Variants in PLEKHG6 observed in about 807,000 individuals in gnomAD.
PLEKHG6 encodes pleckstrin homology and RhoGEF domain containing G6.
PLEKHG6 carries 91 observed loss-of-function variants against 97.5 expected under a neutral mutation model. The ratio of observed to expected loss-of-function variants is 0.93; its 90% CI spans 0.79 to 1.11. The LOEUF (loss-of-function observed/expected upper bound fraction) is 1.11. PLEKHG6 is among the 50% of genes most tolerant of loss of function. The probability of loss-of-function intolerance (pLI) is 0.00; values close to 1 mark genes in which losing one functional copy is unlikely to be tolerated. For synonymous variants in PLEKHG6, 466 were observed against 425.5 expected, an observed-to-expected ratio of 1.10 and a Z score of -1.17; for missense variants, 1,044 against 1,031.0, an observed-to-expected ratio of 1.01 and a Z score of -0.17.
Position 6,315,069 on chromosome 12 carries a change from G to A in PLEKHG6, c.359G>A (p.Arg120Gln), listed in dbSNP as rs201430373. 109 of 1,613,866 alleles carry A rather than the reference G, an allele frequency of 6.8e-5. No individual in the cohort carries two copies. In the African/African-American group the frequency reaches 6.8e-4, roughly 10 times the overall value. The change falls in exon 4 of 16, where the codon CGG (arginine) becomes CAG (glutamine). Residue 120 changes from arginine to glutamine, a missense_variant. Physicochemically the swap from Arg to Gln is conservative, Grantham distance 43. Transcript: ENST00000684764. This position sits in a 1 kb window ranked among gnomAD's most constrained non-coding sequence, Gnocchi z 4.5. ...ACTTTCAGCATGTTTGGGATGCCCC[G>A]GCTGCCCCCTGAGGACCGGCGGCAC... ...LHTFSMFGMP[R>Q]LPPEDRRHWE... is the part of the protein sequence containing the mutation.
chr12:6,315,501 C>A lies in PLEKHG6; in HGVS notation c.460-53C>A. On this transcript the variant is annotated intron_variant, in intron 4 of 15. Coordinates refer to ENST00000684764, the MANE Select transcript of PLEKHG6 (RefSeq NM_001384598.1). This position sits in a 1 kb window ranked among gnomAD's most constrained non-coding sequence, Gnocchi z 4.5. ...ATCCGGTCGCACTTAACAGCTGGTA[C>A]TTGCCATTCTAATTATCATTCCCCA... is the stretch of plus-strand genomic sequence containing the variant. 8.5e-7 allele frequency: 1 copy of A among 1,177,878 alleles called. No individual in the cohort carries two copies. The highest frequency in any genetic ancestry group is 1.2e-6 in the Non-Finnish European group (1 of 821,972). The allele number at this position is 1,177,878 out of a possible 1,614,324, so 73.0% of individuals were successfully genotyped here.
chr12:6,317,714 GC>G lies in PLEKHG6; in HGVS notation c.1017+19del. On this transcript the variant is annotated intron_variant, in intron 9 of 15. Transcript: ENST00000684764. ...ATGCCATGGTAGGTGCCCCAGTGGG[GC>G]TGGGACTCTGGTGAATCGGGGACTG... 6.2e-7 allele frequency: 1 copy of G among 1,611,962 alleles called. No individual in the cohort carries two copies. The highest frequency in any genetic ancestry group is 8.5e-7 in the Non-Finnish European group (1 of 1,179,466).
intron 13 of PLEKHG6, among the ~76,000 whole-genome samples, chr12:6,323,395 T>G (rs1409475751): frequency 6.6e-6 from 1 of 152,210 alleles, no homozygotes; most frequent in Non-Finnish European, 1.5e-5. Context: ...CAGTAGAAAC[T>G]CTGTTGGTCC....
At position 6,328,211 on chromosome 12, in the gene PLEKHG6, C is replaced by A; in HGVS notation, c.*66C>A. 6.6e-7 allele frequency: 1 copy of A among 1,521,020 alleles called. No individual in the cohort carries two copies. Among genetic ancestry groups the A allele is most frequent in the Non-Finnish European group, 9.1e-7 (1 of 1,096,646 alleles). The allele number at this position is 1,521,020 out of a possible 1,614,324, so 94.2% of individuals were successfully genotyped here. On this transcript the variant is annotated 3_prime_UTR_variant, in exon 16 of 16. Transcript: ENST00000684764. ...GATCTCTCCCCAGTAGTGCTGGTCA[C>A]CCTCCGGCATCTGTGACTCTACCTC...
Position 6,326,549 on chromosome 12 carries a change from G to A in PLEKHG6, c.1646G>A (p.Gly549Asp), listed in dbSNP as rs200776508. ...AGGCCCTCCACGCCTTCCCTGGAGG[G>A]CTCTCAGAGCAGCGCAGAGGGGAGG... Reference protein sequence around the residue: ...STRPSTPSLEGSQSSAEGRTP... With the variant: ...STRPSTPSLEDSQSSAEGRTP... Residue 549 changes from glycine to aspartate, a missense_variant, in exon 14 of 16, where the codon GGC becomes GAC. Physicochemically the swap from Gly to Asp is moderately conservative, Grantham distance 94. Transcript: ENST00000684764. The A allele has an allele frequency of 1.5e-5, 24 of 1,568,156 alleles. No individual in the cohort carries two copies. In the African/African-American group the frequency reaches 3.2e-4, roughly 21 times the overall value.
Position 6,316,211 on chromosome 12 carries a change from G to A in PLEKHG6, c.607-44G>A. The A allele has an allele frequency of 6.6e-7, 1 of 1,512,296 alleles. No individual in the cohort carries two copies. Among genetic ancestry groups the A allele is most frequent in the Non-Finnish European group, 8.9e-7 (1 of 1,124,378 alleles). The allele number at this position is 1,512,296 out of a possible 1,614,324, so 93.7% of individuals were successfully genotyped here. ...TTTCCTCAGCCAGTGCCACCCCTGG[G>A]GACCTTCCAAAAGTGTGCTGCTCAG... On this transcript the variant is annotated intron_variant, in intron 6 of 15. Coordinates refer to ENST00000684764, the MANE Select transcript of PLEKHG6 (RefSeq NM_001384598.1). This position sits in a 1 kb window ranked among gnomAD's most constrained non-coding sequence, Gnocchi z 4.1.
chr12:6,316,133 C>A lies in PLEKHG6; in HGVS notation c.607-122C>A. ...CTTGAGATCTTCCAGGCCCAGTGCC[C>A]AGTTCATCCTTCTTCACCCCCGCCC... On this transcript the variant is annotated intron_variant, in intron 6 of 15. Transcript: ENST00000684764. The surrounding 1 kb of genome is among the most constrained non-coding windows in gnomAD (Gnocchi z 4.1). 9.7e-7 allele frequency: 1 copy of A among 1,030,162 alleles called. No homozygotes were observed. The allele number at this position is 1,030,162 out of a possible 1,614,324, so 63.8% of individuals were successfully genotyped here.
At position 6,316,134 on chromosome 12, in the gene PLEKHG6, A is replaced by T. The variant is rs1424406855; in HGVS notation, c.607-121A>T. On this transcript the variant is annotated intron_variant, in intron 6 of 15. Coordinates refer to ENST00000684764, the MANE Select transcript of PLEKHG6 (RefSeq NM_001384598.1). The surrounding 1 kb of genome is among the most constrained non-coding windows in gnomAD (Gnocchi z 4.1). Reference sequence around the variant, plus strand: ...TTGAGATCTTCCAGGCCCAGTGCCCAGTTCATCCTTCTTCACCCCCGCCCC... The same window carrying T: ...TTGAGATCTTCCAGGCCCAGTGCCCTGTTCATCCTTCTTCACCCCCGCCCC... 3.9e-6 allele frequency: 4 copies of T among 1,036,748 alleles called. No individual in the cohort carries two copies. In the Admixed American group the frequency reaches 1.1e-4, roughly 29 times the overall value. The allele number at this position is 1,036,748 out of a possible 1,614,324, so 64.2% of individuals were successfully genotyped here.
intron 13 of PLEKHG6, chr12:6,319,799 C>A: frequency 1.2e-6 from 1 of 852,032 alleles, no homozygotes. Flanking sequence ...AGTAAACCAC[C>A]ATTCCTGCCC....
intron 11 of PLEKHG6, 86 bp from the exon 12 acceptor site, chr12:6,318,659 C>T (rs549205004): frequency 3.5e-4 from 502 of 1,442,548 alleles, no homozygotes; most frequent in African/African-American, 4.7e-4. Flanking sequence ...TGTGTGCCTG[C>T]GCACCATGCC....
chr12:6,326,663 A>C (rs1184214061), intron 14 of PLEKHG6, 90 bp downstream of exon 14: 1 of 1,251,604 alleles, frequency 8.0e-7, no homozygotes, highest in Non-Finnish European at 1.1e-6. Context: ...TTTTGGTGGA[A>C]TTGGGAATAG....
At position 6,315,088 on chromosome 12, in the gene PLEKHG6, G is replaced by A. The variant is rs1947408681; in HGVS notation, c.378G>A (p.Arg126=). 6.2e-7 allele frequency: 1 copy of A among 1,613,420 alleles called. No individual in the cohort carries two copies. Among genetic ancestry groups the A allele is most frequent in the African/African-American group, 1.3e-5 (1 of 74,922 alleles). ...FGMPRLPPED[R]RHWEIGEGGD... ...TGCCCCGGCTGCCCCCTGAGGACCG[G>A]CGGCACTGGGAGATAGGAGAGGGTG... Residue 126 remains arginine, a synonymous_variant, in exon 4 of 16, where the codon CGG becomes CGA. Coordinates refer to ENST00000684764, the MANE Select transcript of PLEKHG6 (RefSeq NM_001384598.1). The surrounding 1 kb of genome is among the most constrained non-coding windows in gnomAD (Gnocchi z 4.5).
In PLEKHG6 at chr12:6,327,479, T is replaced by TCCCCC; in HGVS notation, c.1900_1901insCCCCC (p.His634ProfsTer23). ...TGGAACTCCGGGACATCCCTCTGCG[T>TCCCCC]CCCCACCCTCCCGACCCCCAAGCTC... On this transcript the variant is annotated frameshift_variant, in exon 15 of 16. Transcript: ENST00000684764. LOFTEE classifies it high-confidence loss of function. The TCCCCC allele has an allele frequency of 6.2e-7, 1 of 1,603,250 alleles. No individual in the cohort carries two copies. The highest frequency in any genetic ancestry group is 8.5e-7 in the Non-Finnish European group (1 of 1,171,698).
At chr12:6,313,266 C>T in intron 2 of PLEKHG6, 1 of 1,336,266 alleles carries the variant, frequency 7.5e-7, no homozygotes, top group Non-Finnish European at 1.0e-6. Context: ...GCTGTGTGCA[C>T]CACGCCTTGT....
chr12:6,313,276 TC>T, intron 2 of PLEKHG6: 1 of 1,211,730 alleles, frequency 8.3e-7, no homozygotes, highest in Non-Finnish European at 1.2e-6. Flanking sequence ...CCACGCCTTG[TC>T]CATGCACCCC....
In PLEKHG6 at chr12:6,316,909, C is replaced by A. The variant is rs1947481651; in HGVS notation, c.757-394C>A. ...CTGCCCCTGGGAGCCTTAGGTACCC[C>A]CTCCATAGGAGCAAGGCTTCTGAGC... On this transcript the variant is annotated intron_variant, in intron 7 of 15. Transcript: ENST00000684764. The surrounding 1 kb of genome is among the most constrained non-coding windows in gnomAD (Gnocchi z 4.1). Among the ~76,000 whole-genome samples, 3 of 152,274 alleles carry A rather than the reference C, an allele frequency of 2.0e-5. No homozygotes were observed. In the South Asian group the frequency reaches 6.2e-4, roughly 32 times the overall value.
chr12:6,310,584 C>G (rs1259135173), upstream of PLEKHG6: 3 of 152,346 alleles, frequency 2.0e-5, no homozygotes, highest in Non-Finnish European at 2.9e-5. Context: ...GCGGTGGCTG[C>G]GTGAGGGCGG....
intron 2 of PLEKHG6, chr12:6,312,636 G>GCT: frequency 1.6e-6 from 2 of 1,257,304 alleles, no homozygotes; most frequent in East Asian, 7.3e-5. Context: ...CAGACAAAGA[G>GCT]CTGCGGGTAA....
chr12:6,319,004 C>A lies in PLEKHG6; in HGVS notation c.1420C>A (p.Leu474Met). The A allele has an allele frequency of 6.2e-7, 1 of 1,613,940 alleles. No individual in the cohort carries two copies. ...QPLRDPNSFL[L>M]IHLTEFQCVS... ...TCTCCTCCATCCAGACAGCTTCCTG[C>A]TGATCCACCTCACTGAATTCCAGTG... The change falls in exon 13 of 16, where the codon CTG becomes ATG. Residue 474 changes from leucine to methionine, a missense_variant. Physicochemically the swap from Leu to Met is conservative, Grantham distance 15. Transcript: ENST00000684764.
Sources: allele counts gnomAD v4.1 joint callset (sites outside exome capture counted in the v4.1 genomes callset), GRCh38; gene constraint gnomAD v4.1.1; non-coding constraint Gnocchi (gnomAD v3.1); transcripts MANE v1.5; gene names NCBI Gene and HGNC (gene_info 2026-07-23, HGNC 2026-07-21).